Variants in PTPRD observed in about 807,000 individuals in gnomAD.
PTPRD encodes the protein receptor-type tyrosine-protein phosphatase delta.
In PTPRD, 34 loss-of-function variants were observed where a neutral mutation model predicts 214.5. The observed-to-expected ratio is 0.16, with a 90% CI of 0.12 to 0.21. The LOEUF (loss-of-function observed/expected upper bound fraction) is 0.21, where lower values mean the gene tolerates loss of function less well. Among genes scored for constraint, PTPRD ranks in the 10% least tolerant of loss-of-function variants. The pLI is 1.00. For synonymous variants in PTPRD, 1,128 were observed against 845.7 expected, an observed-to-expected ratio of 1.33 and a Z score of -5.79; for missense variants, 2,545 against 2,398.7, an observed-to-expected ratio of 1.06 and a Z score of -1.27.
At chr9:9,246,664 C>T (rs980728107) in intron 9 of PTPRD, among the ~76,000 whole-genome samples, 3 of 152,060 alleles carry the variant, frequency 2.0e-5, no homozygotes, top group African/African-American at 7.2e-5. Flanking sequence ...CACCATATAG[C>T]AGCCTCACTT....
chr9:9,319,033 A>G (rs1313203532), intron 9 of PTPRD, among the ~76,000 whole-genome samples: 2 of 152,226 alleles, frequency 1.3e-5, no homozygotes, highest in East Asian at 1.9e-4. Context: ...CTCAAACAGC[A>G]GTGATTGCTT....
intron 7 of PTPRD, among the ~76,000 whole-genome samples, chr9:9,713,006 A>G (rs1192389644): frequency 6.6e-6 from 1 of 152,194 alleles, no homozygotes; most frequent in Admixed American, 6.6e-5. Flanking sequence ...ACTTTCTGTA[A>G]TCCCTGACAA....
chr9:10,548,885 C>A (rs1237565403), intron 2 of PTPRD, among the ~76,000 whole-genome samples: 1 of 152,176 alleles, frequency 6.6e-6, no homozygotes, highest in East Asian at 1.9e-4. Flanking sequence ...CTTTAGGACA[C>A]TGTTAATGTG....
chr9:10,371,638 C>G (rs2097621909), intron 2 of PTPRD, among the ~76,000 whole-genome samples: 1 of 152,018 alleles, frequency 6.6e-6, no homozygotes, highest in African/African-American at 2.4e-5. Context: ...TCCCTCTTGT[C>G]ACACTACTCC....
intron 3 of PTPRD, among the ~76,000 whole-genome samples, chr9:10,327,480 A>T (rs527534107): frequency 1.3e-5 from 2 of 151,598 alleles, no homozygotes; most frequent in African/African-American, 2.4e-5. Flanking sequence ...TGTGTGTACC[A>T]GAAAGATTTA....
intron 9 of PTPRD, among the ~76,000 whole-genome samples, chr9:9,311,359 T>G (rs1202160718): frequency 1.3e-5 from 2 of 152,176 alleles, no homozygotes; most frequent in Admixed American, 6.5e-5. Flanking sequence ...CTGAATATTA[T>G]GTACAGCTAC....
chr9:10,222,039 C>G (rs2154349730), intron 3 of PTPRD, among the ~76,000 whole-genome samples: 1 of 152,072 alleles, frequency 6.6e-6, no homozygotes, highest in Non-Finnish European at 1.5e-5. Context: ...GCCAGCTAAA[C>G]TTTCAGGTTA....
At chr9:10,092,986 A>C (rs1229457803) in intron 3 of PTPRD, among the ~76,000 whole-genome samples, 1 of 151,736 alleles carries the variant, frequency 6.6e-6, no homozygotes, top group Non-Finnish European at 1.5e-5. Flanking sequence ...TAAAACTTCA[A>C]ACTGTAAAAA....
At chr9:8,520,192 G>T (rs2097860495) in intron 20 of PTPRD, among the ~76,000 whole-genome samples, 1 of 152,066 alleles carries the variant, frequency 6.6e-6, no homozygotes, top group African/African-American at 2.4e-5. Flanking sequence ...CACATTTATT[G>T]TACAGTACAG....
At chr9:8,658,917 T>C (rs908339054) in intron 12 of PTPRD, among the ~76,000 whole-genome samples, 3 of 152,314 alleles carry the variant, frequency 2.0e-5, no homozygotes, top group Non-Finnish European at 4.4e-5. Flanking sequence ...ACTAAAATGC[T>C]AATGAGGCTC....
At chr9:8,863,912 A>G (rs1190913363) in intron 11 of PTPRD, among the ~76,000 whole-genome samples, 1 of 152,200 alleles carries the variant, frequency 6.6e-6, no homozygotes, top group Non-Finnish European at 1.5e-5. Context: ...TGTTCCATTT[A>G]GTGTTTGTAT....
chr9:10,407,315 A>G (rs1346040522), intron 2 of PTPRD, among the ~76,000 whole-genome samples: 2 of 151,652 alleles, frequency 1.3e-5, no homozygotes, highest in Non-Finnish European at 3.0e-5. Flanking sequence ...ATATATACAC[A>G]TAAGAAATGC....
At chr9:9,083,022 G>A (rs1048862347) in intron 10 of PTPRD, among the ~76,000 whole-genome samples, 1 of 152,084 alleles carries the variant, frequency 6.6e-6, no homozygotes, top group Non-Finnish European at 1.5e-5. Context: ...AGCTACCATT[G>A]ACTTTCTTCA....
intron 2 of PTPRD, among the ~76,000 whole-genome samples, chr9:10,492,304 T>A (rs2040555665): frequency 6.6e-6 from 1 of 152,116 alleles, no homozygotes; most frequent in African/African-American, 2.4e-5. Context: ...TCCACAATGG[T>A]TGAACTAATT....
chr9:9,512,208 G>C (rs1474196666), intron 8 of PTPRD, among the ~76,000 whole-genome samples: 1 of 151,778 alleles, frequency 6.6e-6, no homozygotes, highest in Non-Finnish European at 1.5e-5. Context: ...TACATGATTA[G>C]CGATTGAAAA....
At chr9:9,719,764 G>A (rs950670247) in intron 7 of PTPRD, among the ~76,000 whole-genome samples, 1 of 152,288 alleles carries the variant, frequency 6.6e-6, no homozygotes, top group East Asian at 1.9e-4. Context: ...CCTCTTTGGG[G>A]TTCTGCGGTT....
At chr9:10,506,198 C>CT (rs2045909749) in intron 2 of PTPRD, among the ~76,000 whole-genome samples, 1 of 151,388 alleles carries the variant, frequency 6.6e-6, no homozygotes, top group African/African-American at 2.5e-5. Context: ...AGCTTCAAGA[C>CT]TTTTTTTATC....
intron 11 of PTPRD, among the ~76,000 whole-genome samples, chr9:8,758,886 CCT>C (rs1199856231): frequency 6.6e-6 from 1 of 151,980 alleles, no homozygotes; most frequent in Non-Finnish European, 1.5e-5. Flanking sequence ...GGGGTTTCAC[CCT>C]GTTAGCCAGG....
intron 11 of PTPRD, among the ~76,000 whole-genome samples, chr9:8,773,187 G>T (rs1044630571): frequency 6.6e-6 from 1 of 152,216 alleles, no homozygotes; most frequent in African/African-American, 2.4e-5. Context: ...TGGGTAGTTT[G>T]TTCACATGCA....
Sources: allele counts gnomAD v4.1 joint callset (sites outside exome capture counted in the v4.1 genomes callset), GRCh38; gene constraint gnomAD v4.1.1; transcripts MANE v1.5; gene names NCBI Gene and HGNC (gene_info 2026-07-23, HGNC 2026-07-21).